MTMR4: variants seen among roughly 807,000 people sequenced by gnomAD.
The protein encoded by MTMR4 is phosphatidylinositol-3,5-bisphosphate 3-phosphatase MTMR4.
A neutral mutation model predicts 125.5 loss-of-function variants in MTMR4; 30 were observed. The ratio of observed to expected loss-of-function variants is 0.24; its 90% CI spans 0.18 to 0.32. The LOEUF (loss-of-function observed/expected upper bound fraction) is 0.32, where lower values mean the gene tolerates loss of function less well. Among genes scored for constraint, MTMR4 ranks in the 10% least tolerant of loss-of-function variants. MTMR4 has a pLI of 1.00. For synonymous variants in MTMR4, 498 were observed against 564.5 expected, an observed-to-expected ratio of 0.88 and a Z score of 1.67; for missense variants, 1,039 against 1,511.5, an observed-to-expected ratio of 0.69 and a Z score of 5.18.
chr17:58,508,510 A>T lies in MTMR4; in HGVS notation c.551T>A (p.Leu184Gln), dbSNP rs756004068. The T allele has an allele frequency of 1.9e-6, 3 of 1,614,230 alleles. No homozygotes were observed. The highest frequency in any genetic ancestry group is 2.5e-6 in the Non-Finnish European group (3 of 1,180,040). ...GTGTGAGACTCTCCAGACGTTCTGCAGGTCAAAGCCCATCCTTGCAAGCTC... is the reference window on the plus strand; with the variant it reads ...GTGTGAGACTCTCCAGACGTTCTGCTGGTCAAAGCCCATCCTTGCAAGCTC... ...EAELARMGFD[L>Q]QNVWRVSHIN... Residue 184 changes from leucine to glutamine, a missense_variant, in exon 6 of 18, where the codon CTG becomes CAG. Leu to Gln is a moderately radical substitution (Grantham distance 113). Coordinates refer to ENST00000682306, the MANE Select transcript of MTMR4 (RefSeq NM_001378067.1). This position sits in a 1 kb window ranked among gnomAD's most constrained non-coding sequence, Gnocchi z 4.8.
chr17:58,509,601 A>G (rs930390601), intron 4 of MTMR4, among the ~76,000 whole-genome samples: 1 of 151,362 alleles, frequency 6.6e-6, no homozygotes, highest in African/African-American at 2.4e-5. Flanking sequence ...TAAATTCTTC[A>G]TAGAGACAGG....
intron 14 of MTMR4, 95 bp downstream of exon 14, chr17:58,503,649 C>CA (rs1555647509): frequency 6.0e-5 from 86 of 1,424,760 alleles, no homozygotes; most frequent in Middle Eastern, 1.9e-4. Flanking sequence ...GATTCCGTCT[C>CA]AAAAAAAAGA....
chr17:58,502,517 G>T (rs986360682), intron 14 of MTMR4, among the ~76,000 whole-genome samples: 2 of 43,466 alleles, frequency 4.6e-5, no homozygotes, highest in Non-Finnish European at 7.5e-5. Context: ...TCCCTGTAAT[G>T]ATAAAAAAAA....
At chr17:58,514,892 C>T (rs1464212203), upstream of MTMR4, 1 of 600,126 alleles carries the variant, frequency 1.7e-6, no homozygotes, top group Non-Finnish European at 2.1e-6. Flanking sequence ...CCCGCGCCCC[C>T]TCCCCTAAGT....
chr17:58,501,326 C>T (rs901564761), intron 14 of MTMR4, among the ~76,000 whole-genome samples: 4 of 152,042 alleles, frequency 2.6e-5, no homozygotes, highest in Non-Finnish European at 5.9e-5. Flanking sequence ...ACCTGGGCAA[C>T]AGACCCGTCT....
upstream of MTMR4, among the ~76,000 whole-genome samples, chr17:58,517,615 G>A (rs966176902): frequency 6.6e-6 from 1 of 152,246 alleles, no homozygotes; most frequent in Non-Finnish European, 1.5e-5. Flanking sequence ...CAGACCTAGG[G>A]GATCTGGTCC....
At chr17:58,503,638 A>T in intron 14 of MTMR4, 106 bp downstream of exon 14, 1 of 1,393,782 alleles carries the variant, frequency 7.2e-7, no homozygotes, top group Non-Finnish European at 9.7e-7. Flanking sequence ...CGACAAAGTG[A>T]GATTCCGTCT....
intron 16 of MTMR4, 22 bp downstream of exon 16, chr17:58,492,820 C>A: frequency 6.3e-7 from 1 of 1,596,342 alleles, no homozygotes; most frequent in South Asian, 1.1e-5. Context: ...TAAGTACCCA[C>A]CACATATGTG....
At chr17:58,510,984 G>A (rs147723591) in intron 4 of MTMR4, 1,758 of 152,054 alleles carry the variant, frequency 0.012, 15 homozygotes, top group Middle Eastern at 0.041. Flanking sequence ...TATTACTTAC[G>A]GTTGGTATCT....
Position 58,508,969 on chromosome 17 carries a change from T to TGGGG in MTMR4, c.336-132_336-129dup. The TGGGG allele has an allele frequency of 1.9e-6, 2 of 1,045,308 alleles. No homozygotes were observed. Among genetic ancestry groups the TGGGG allele is most frequent in the Non-Finnish European group, 2.7e-6 (2 of 728,418 alleles). 64.8% of individuals were successfully genotyped at this position (1,045,308 alleles called of 1,614,324 possible). ...GGCTGCAAAGCAAGAGGTAAAGCAG[T>TGGGG]GGGGACCCAGGGTGGGGGGACGAGG... is the stretch of plus-strand genomic sequence containing the variant. On this transcript the variant is annotated intron_variant, in intron 4 of 17. Coordinates refer to ENST00000682306, the MANE Select transcript of MTMR4 (RefSeq NM_001378067.1). This position sits in a 1 kb window ranked among gnomAD's most constrained non-coding sequence, Gnocchi z 4.8.
chr17:58,495,536 T>A lies in MTMR4; in HGVS notation c.2648A>T (p.Asn883Ile). ...ATTTTCCAATAACTGCCCATTCCTA[T>A]TATTTCCTCTTTTACCAATGTCTTC... ...GEEDIGKRGNNRNGQLLENPR... is the reference protein window; with the variant it reads ...GEEDIGKRGNIRNGQLLENPR... The change falls in exon 15 of 18, where the codon AAT (asparagine) becomes ATT (isoleucine). Residue 883 changes from asparagine (N) to isoleucine (I), a missense_variant. By Grantham distance (149) the Asn-to-Ile change is moderately radical (BLOSUM62 -3). Transcript: ENST00000682306. 1 of 1,614,196 alleles carries A rather than the reference T, an allele frequency of 6.2e-7. No individual in the cohort carries two copies. Among genetic ancestry groups the A allele is most frequent in the Non-Finnish European group, 8.5e-7 (1 of 1,180,036 alleles).
chr17:58,517,420 G>A (rs868562711), upstream of MTMR4, among the ~76,000 whole-genome samples: 2 of 152,254 alleles, frequency 1.3e-5, no homozygotes, highest in South Asian at 2.1e-4. Context: ...GGGGATAAAA[G>A]CCTCCATCTG....
intron 14 of MTMR4, among the ~76,000 whole-genome samples, chr17:58,498,003 A>C (rs1464580611): frequency 6.6e-6 from 1 of 152,150 alleles, no homozygotes; most frequent in Non-Finnish European, 1.5e-5. Context: ...CAAGGCAGGC[A>C]GATCTCTCGA....
chr17:58,497,265 A>G (rs905750495), intron 14 of MTMR4, among the ~76,000 whole-genome samples: 2 of 152,220 alleles, frequency 1.3e-5, no homozygotes, highest in East Asian at 3.8e-4. Flanking sequence ...ATTTTAAGTA[A>G]TCGGTTTTTG....
intron 4 of MTMR4, among the ~76,000 whole-genome samples, chr17:58,509,492 C>A (rs1481967843): frequency 3.3e-5 from 5 of 150,374 alleles, no homozygotes; most frequent in Non-Finnish European, 2.9e-5. Flanking sequence ...GATCACAGCT[C>A]CCTGCAGCCT....
Position 58,512,312 on chromosome 17 carries a change from G to A in MTMR4, c.252+78C>T. On this transcript the variant is annotated intron_variant, in intron 3 of 17. Transcript: ENST00000682306. This position sits in a 1 kb window ranked among gnomAD's most constrained non-coding sequence, Gnocchi z 4.1. ...CCAACTTTTTTAATGACATGATCAA[G>A]GACAGCCTTGGAACAATCCCACCTT... 1 of 1,272,784 alleles carries A rather than the reference G, an allele frequency of 7.9e-7. No homozygotes were observed. Among genetic ancestry groups the A allele is most frequent in the Non-Finnish European group, 1.1e-6 (1 of 874,194 alleles). 78.8% of individuals were successfully genotyped at this position (1,272,784 alleles called of 1,614,324 possible).
chr17:58,500,887 G>A (rs757386752), intron 14 of MTMR4, among the ~76,000 whole-genome samples: 2 of 151,592 alleles, frequency 1.3e-5, no homozygotes, highest in African/African-American at 2.4e-5. Flanking sequence ...ACAGTAATAC[G>A]CAACTTGTAG....
At position 58,512,633 on chromosome 17, in the gene MTMR4, C is replaced by T. The variant is rs1367043216; in HGVS notation, c.136-127G>A. On this transcript the variant is annotated intron_variant, in intron 2 of 17. Coordinates refer to ENST00000682306, the MANE Select transcript of MTMR4 (RefSeq NM_001378067.1). The surrounding 1 kb of genome is among the most constrained non-coding windows in gnomAD (Gnocchi z 4.1). ...AGGCAAGAGAGGAGAGTTCTCTCCACGGTAACAGCACCAGGCAACAGCTGT... is the reference window on the plus strand; with the variant it reads ...AGGCAAGAGAGGAGAGTTCTCTCCATGGTAACAGCACCAGGCAACAGCTGT... 13 of 846,528 alleles carry T rather than the reference C, an allele frequency of 1.5e-5. No homozygotes were observed. The highest frequency in any genetic ancestry group is 1.0e-4 in the African/African-American group (6 of 59,440). The allele number at this position is 846,528 out of a possible 1,614,324, so 52.4% of individuals were successfully genotyped here. A position where few individuals can be genotyped will look rare whatever the true frequency, so the allele number is the denominator to read the frequency against.
intron 4 of MTMR4, chr17:58,510,973 T>A (rs1391598498): frequency 6.6e-6 from 1 of 152,482 alleles, no homozygotes; most frequent in Admixed American, 6.5e-5. Flanking sequence ...CAAATTTTAC[T>A]TATTACTTAC....
Sources: allele counts gnomAD v4.1 joint callset (sites outside exome capture counted in the v4.1 genomes callset), GRCh38; gene constraint gnomAD v4.1.1; non-coding constraint Gnocchi (gnomAD v3.1); transcripts MANE v1.5; gene names NCBI Gene and HGNC (gene_info 2026-07-23, HGNC 2026-07-21).